RBM19: variants seen among roughly 807,000 people sequenced by gnomAD.
The protein encoded by RBM19 is RNA binding motif protein 19, also known as probable RNA-binding protein 19.
Under a neutral mutation model 116.8 loss-of-function variants are expected in RBM19, and 94 were observed. That is an observed-to-expected ratio of 0.80 (90% confidence interval 0.68 to 0.95). The LOEUF is 0.95. Among genes scored for constraint, RBM19 ranks in the 40% least tolerant of loss-of-function variants. The probability of loss-of-function intolerance (pLI) is 0.00; values close to 1 mark genes in which losing one functional copy is unlikely to be tolerated. For missense variants in RBM19, 1,161 were observed against 1,220.7 expected (o/e 0.95, Z 0.73); for synonymous variants, 475 against 494.1 (o/e 0.96, Z 0.51).
chr12:113,929,338 G>C (rs892811419), intron 16 of RBM19, among the ~76,000 whole-genome samples: 4 of 152,146 alleles, frequency 2.6e-5, no homozygotes, highest in African/African-American at 7.2e-5. Context: ...CCGTGATAAT[G>C]CTGTCTCTTT....
At chr12:113,955,514 A>C (rs1039676084) in intron 6 of RBM19, among the ~76,000 whole-genome samples, 7 of 145,548 alleles carry the variant, frequency 4.8e-5, no homozygotes, top group African/African-American at 1.9e-4. Flanking sequence ...GGAGCCCTGA[A>C]GAACGGGGTG....
intron 23 of RBM19, among the ~76,000 whole-genome samples, chr12:113,837,359 C>T (rs1011626027): frequency 9.9e-5 from 15 of 151,968 alleles, no homozygotes; most frequent in Non-Finnish European, 1.5e-4. Context: ...CCTCCCTTAG[C>T]CTGGCCTGAC....
chr12:113,909,051 G>C (rs1010888992), intron 21 of RBM19, among the ~76,000 whole-genome samples: 2 of 152,228 alleles, frequency 1.3e-5, no homozygotes, highest in African/African-American at 4.8e-5. Context: ...CCGCAGGACA[G>C]GCTGAGCTAC....
intron 8 of RBM19, among the ~76,000 whole-genome samples, chr12:113,951,631 C>T (rs1871472493): frequency 6.6e-6 from 1 of 152,192 alleles, no homozygotes; most frequent in Non-Finnish European, 1.5e-5. Context: ...TTAGGCAGAG[C>T]CCTTTACCCT....
downstream of RBM19, among the ~76,000 whole-genome samples, chr12:113,819,302 C>T (rs1874267136): frequency 6.6e-6 from 1 of 152,200 alleles, no homozygotes; most frequent in Non-Finnish European, 1.5e-5. Flanking sequence ...TACTGACCTC[C>T]CACCTCCCTG....
chr12:113,939,854 C>T (rs773310170), intron 15 of RBM19, 106 bp downstream of exon 15: 28 of 1,239,244 alleles, frequency 2.3e-5, no homozygotes, highest in Non-Finnish European at 3.0e-5. Context: ...TTAGGGTGAG[C>T]TCCCATGTGC....
At chr12:113,901,498 T>C (rs1208778125) in intron 21 of RBM19, among the ~76,000 whole-genome samples, 2 of 151,744 alleles carry the variant, frequency 1.3e-5, no homozygotes, top group South Asian at 4.2e-4. Flanking sequence ...TTCCTTCTTT[T>C]ATTCATTCAT....
At chr12:113,872,177 G>T (rs12425023) in intron 21 of RBM19, among the ~76,000 whole-genome samples, 1 of 143,652 alleles carries the variant, frequency 7.0e-6, no homozygotes, top group Non-Finnish European at 1.5e-5. Context: ...CTGCCCTGCC[G>T]CCCCATCTGG....
chr12:113,954,545 G>A (rs972763522), intron 7 of RBM19, among the ~76,000 whole-genome samples: 56 of 152,086 alleles, frequency 3.7e-4, no homozygotes, highest in African/African-American at 1.3e-3. Flanking sequence ...TAGTGTAGAT[G>A]ATAATTTAGT....
intron 21 of RBM19, among the ~76,000 whole-genome samples, chr12:113,881,203 T>A (rs985097649): frequency 6.6e-6 from 1 of 152,152 alleles, no homozygotes; most frequent in African/African-American, 2.4e-5. Flanking sequence ...TCTCGGTAGC[T>A]GCAGCTGCAG....
chr12:113,860,101 C>A (rs759372751), intron 21 of RBM19, among the ~76,000 whole-genome samples: 2 of 152,240 alleles, frequency 1.3e-5, no homozygotes, highest in South Asian at 2.1e-4. Flanking sequence ...CTGCTCCCCC[C>A]TCCTGGTGCC....
rs545757609 is a variant in RBM19 at position 113,947,397 on chromosome 12, G to A, written c.1344C>T (p.Ile448=). ...CAGCGTGCTCAGGGAACATGAAGGT[G>A]ATGAATGCAAAACCCTTGGGTTTCT... ...LTKKPKGFAF[I]TFMFPEHAVK... is the part of the protein sequence containing the mutation. Residue 448 remains isoleucine, a synonymous_variant, in exon 11 of 24, where the codon ATC becomes ATT. Coordinates refer to ENST00000261741, the MANE Select transcript of RBM19 (RefSeq NM_016196.4). 1 of 1,611,892 alleles carries A rather than the reference G, an allele frequency of 6.2e-7. No homozygotes were observed. Among genetic ancestry groups the A allele is most frequent in the African/African-American group, 1.3e-5 (1 of 75,038 alleles).
intron 21 of RBM19, among the ~76,000 whole-genome samples, chr12:113,874,990 A>T (rs1879552763): frequency 6.6e-6 from 1 of 152,236 alleles, no homozygotes; most frequent in South Asian, 2.1e-4. Flanking sequence ...CAGGTAATTG[A>T]GTAGCTTCAA....
intron 22 of RBM19, 86 bp downstream of exon 22, chr12:113,858,705 G>T: frequency 7.9e-7 from 1 of 1,269,388 alleles, no homozygotes. Flanking sequence ...GTGACTCTGT[G>T]TGTGTTAGAG....
chr12:113,832,840 A>G (rs968992438), intron 23 of RBM19, among the ~76,000 whole-genome samples: 7 of 152,182 alleles, frequency 4.6e-5, no homozygotes, highest in African/African-American at 1.4e-4. Flanking sequence ...AAGCCCGATG[A>G]TTATGTTTTC....
At chr12:113,901,498 T>TATTC (rs148668311) in intron 21 of RBM19, among the ~76,000 whole-genome samples, 2,560 of 151,732 alleles carry the variant, frequency 0.017, 46 homozygotes, top group African/African-American at 0.04. Context: ...TTCCTTCTTT[T>TATTC]ATTCATTCAT....
downstream of RBM19, chr12:113,817,317 G>A (rs1041017416): frequency 6.6e-6 from 1 of 152,270 alleles, no homozygotes; most frequent in African/African-American, 2.4e-5. Flanking sequence ...TGTGTCTGGG[G>A]CACCCAGCAC....
At position 113,950,133 on chromosome 12, in the gene RBM19, C is replaced by G; in HGVS notation, c.1022G>C (p.Ser341Thr). Residue 341 changes from serine (S) to threonine (T), a missense_variant, in exon 9 of 24, where the codon AGC (serine) becomes ACC (threonine). Ser to Thr is a moderately conservative substitution (Grantham distance 58). Coordinates refer to ENST00000261741, the MANE Select transcript of RBM19 (RefSeq NM_016196.4). Reference protein sequence around the residue: ...NKTGYIFVDFSNEEEVKQALK... With the variant: ...NKTGYIFVDFTNEEEVKQALK... ...AGCTTGCTTCACTTCCTCTTCATTG[C>G]TGAAATCCACAAAGATGTATCCTGA... 6.2e-7 allele frequency: 1 copy of G among 1,610,918 alleles called. No individual in the cohort carries two copies.
At chr12:113,883,245 CTG>C (rs1318982124) in intron 21 of RBM19, among the ~76,000 whole-genome samples, 1 of 152,230 alleles carries the variant, frequency 6.6e-6, no homozygotes, top group Non-Finnish European at 1.5e-5. Context: ...GGTGAACAGA[CTG>C]ATTGCAGGTG....
Sources: gnomAD v4.1 joint callset for allele counts (sites outside exome capture counted in the v4.1 genomes callset) on GRCh38, gnomAD v4.1.1 for gene constraint, MANE v1.5 for transcripts, NCBI Gene and HGNC (gene_info 2026-07-23, HGNC 2026-07-21) for gene names.